Variants in LMTK2 observed in about 807,000 individuals in gnomAD.
LMTK2 encodes serine/threonine-protein kinase LMTK2.
A neutral mutation model predicts 127.5 loss-of-function variants in LMTK2; 37 were observed. The ratio of observed to expected loss-of-function variants is 0.29; its 90% CI spans 0.22 to 0.38. The LOEUF (loss-of-function observed/expected upper bound fraction) is 0.38. Among genes scored for constraint, LMTK2 ranks in the 10% least tolerant of loss-of-function variants. The probability of loss-of-function intolerance (pLI) is 1.00; values close to 1 mark genes in which losing one functional copy is unlikely to be tolerated. For synonymous variants in LMTK2, 819 were observed against 810.1 expected (o/e 1.01, Z -0.19); for missense variants, 1,694 against 1,920.3 (o/e 0.88, Z 2.20).
chr7:98,132,132 A>G (rs377045372), intron 1 of LMTK2, among the ~76,000 whole-genome samples: 173 of 152,350 alleles, frequency 1.1e-3, no homozygotes, highest in African/African-American at 3.7e-3. Flanking sequence ...GGGAGTGTCA[A>G]TCAGAACAAC....
At chr7:98,186,224 C>T (rs937358243) in intron 8 of LMTK2, among the ~76,000 whole-genome samples, 2 of 152,110 alleles carry the variant, frequency 1.3e-5, no homozygotes, top group African/African-American at 2.4e-5. Flanking sequence ...CCACCACGCC[C>T]AGCTAATTTT....
intron 7 of LMTK2, among the ~76,000 whole-genome samples, chr7:98,178,375 T>G (rs1471644267): frequency 6.6e-6 from 1 of 152,202 alleles, no homozygotes; most frequent in Non-Finnish European, 1.5e-5. Context: ...GCAGTGGTAC[T>G]TCCTTGTGAA....
chr7:98,132,292 C>A (rs1369584588), intron 1 of LMTK2, among the ~76,000 whole-genome samples: 1 of 152,134 alleles, frequency 6.6e-6, no homozygotes, highest in African/African-American at 2.4e-5. Flanking sequence ...ACTCTGTCGC[C>A]CAGGCTGGAG....
chr7:98,124,377 A>C (rs1449696125), intron 1 of LMTK2, among the ~76,000 whole-genome samples: 1 of 152,230 alleles, frequency 6.6e-6, no homozygotes. Flanking sequence ...CATCAGGCAC[A>C]GTGGCTCATG....
intron 11 of LMTK2, among the ~76,000 whole-genome samples, chr7:98,195,313 G>A (rs1359358584): frequency 6.6e-6 from 1 of 152,202 alleles, no homozygotes; most frequent in Non-Finnish European, 1.5e-5. Context: ...GTGGGTGTCT[G>A]GAGGGTGTGA....
chr7:98,125,772 G>A (rs1796434587), intron 1 of LMTK2, among the ~76,000 whole-genome samples: 1 of 152,198 alleles, frequency 6.6e-6, no homozygotes, highest in South Asian at 2.1e-4. Flanking sequence ...CCTTGTCAAG[G>A]TCACTGTTGT....
intron 1 of LMTK2, among the ~76,000 whole-genome samples, chr7:98,108,706 A>G (rs1248367033): frequency 6.6e-6 from 1 of 152,182 alleles, no homozygotes; most frequent in Admixed American, 6.5e-5. Flanking sequence ...AAAGATATTG[A>G]TATTGAAAGT....
intron 11 of LMTK2, among the ~76,000 whole-genome samples, chr7:98,202,800 G>A (rs570675255): frequency 1.1e-4 from 17 of 152,000 alleles, no homozygotes; most frequent in East Asian, 3.8e-4. Context: ...CAACTTCATC[G>A]GGTCACCTTT....
intron 9 of LMTK2, among the ~76,000 whole-genome samples, chr7:98,189,321 C>T (rs1046896728): frequency 2.0e-5 from 3 of 152,234 alleles, no homozygotes; most frequent in South Asian, 2.1e-4. Flanking sequence ...CGTTTCCTTC[C>T]GCTCTCGCTG....
chr7:98,200,019 T>G (rs182758214), intron 11 of LMTK2, among the ~76,000 whole-genome samples: 3 of 152,360 alleles, frequency 2.0e-5, no homozygotes, highest in Admixed American at 2.0e-4. Context: ...ATTTGTTCTA[T>G]TTTTATTTCT....
In LMTK2 at chr7:98,201,548, G is replaced by A. The variant is rs138825821; in HGVS notation, c.4108-2026G>A. Among the ~76,000 whole-genome samples the A allele has an allele frequency of 7.9e-5, 12 of 152,256 alleles. No individual in the cohort carries two copies. The East Asian group carries it at 2.3e-3, about 29-fold the overall frequency. On this transcript the variant is annotated intron_variant, in intron 11 of 13. Coordinates refer to ENST00000297293, the MANE Select transcript of LMTK2 (RefSeq NM_014916.4). ...GGCTGCTTTCAAATCTTTGTCTTTA[G>A]CTTTCAGCAGTTTGATTATGGTGCA... is the stretch of plus-strand genomic sequence containing the variant.
chr7:98,130,986 G>C (rs758833896), intron 1 of LMTK2, among the ~76,000 whole-genome samples: 12 of 152,154 alleles, frequency 7.9e-5, no homozygotes, highest in Non-Finnish European at 1.5e-5. Flanking sequence ...ATAAATGAAA[G>C]CTTCAAGCAT....
At chr7:98,162,307 A>G (rs192677769) in intron 6 of LMTK2, among the ~76,000 whole-genome samples, 5 of 152,340 alleles carry the variant, frequency 3.3e-5, no homozygotes, top group African/African-American at 1.2e-4. Context: ...CTGTATCTTT[A>G]TCATTGTACA....
At chr7:98,120,870 ACT>A (rs1016246116) in intron 1 of LMTK2, among the ~76,000 whole-genome samples, 2 of 151,922 alleles carry the variant, frequency 1.3e-5, no homozygotes, top group African/African-American at 2.4e-5. Context: ...CCCTGGGAAC[ACT>A]CTCCCAGAGG....
chr7:98,169,940 A>G (rs988458627), intron 6 of LMTK2, among the ~76,000 whole-genome samples: 6 of 152,248 alleles, frequency 3.9e-5, no homozygotes, highest in African/African-American at 1.2e-4. Flanking sequence ...AGGGAAGACC[A>G]CTGCTCCCCT....
Position 98,194,496 on chromosome 7 carries a change from C to A in LMTK2, c.4031C>A (p.Pro1344Gln). 1 of 1,613,740 alleles carries A rather than the reference C, an allele frequency of 6.2e-7. No homozygotes were observed. Among genetic ancestry groups the A allele is most frequent in the South Asian group, 1.1e-5 (1 of 91,084 alleles). The change falls in exon 11 of 14, where the codon CCA (proline) becomes CAA (glutamine). Residue 1344 changes from proline (P) to glutamine (Q), a missense_variant. Pro to Gln is a moderately conservative substitution (Grantham distance 76). Around this residue, in one of 8 missense-constraint regions of LMTK2, gnomAD observed 554 missense variants for 567.7 expected, o/e 0.98. Transcript: ENST00000297293. This position sits in a 1 kb window ranked among gnomAD's most constrained non-coding sequence, Gnocchi z 5.4. The part of the protein sequence containing the change: ...LKPTAANAPD[P>Q]LPEDWKKEKK... ...CCCACAGCGGCCAATGCCCCCGACC[C>A]ACTGCCCGAGGACTGGAAGAAGGAA...
intron 1 of LMTK2, among the ~76,000 whole-genome samples, chr7:98,130,651 G>A (rs1325554298): frequency 2.0e-5 from 3 of 152,154 alleles, no homozygotes; most frequent in Non-Finnish European, 4.4e-5. Context: ...TATATAGGAA[G>A]AGGAAATTTG....
At position 98,137,405 on chromosome 7, in the gene LMTK2, G is replaced by A; in HGVS notation, c.194G>A (p.Cys65Tyr). ...LIILIVLIAN[C>Y]VSCCKDPEID... Reference sequence around the variant, plus strand: ...ATATTAATAGTGTTAATTGCAAACTGTGTATCCTGCTGTAAGGACCCAGAA... The same window carrying A: ...ATATTAATAGTGTTAATTGCAAACTATGTATCCTGCTGTAAGGACCCAGAA... The change falls in exon 2 of 14, where the codon TGT (cysteine) becomes TAT (tyrosine). Residue 65 changes from cysteine to tyrosine, a missense_variant. Physicochemically the swap from Cys to Tyr is radical, Grantham distance 194 (BLOSUM62 -2). Around this residue, in one of 8 missense-constraint regions of LMTK2, gnomAD observed 6 missense variants for 25.8 expected, o/e 0.23. Coordinates refer to ENST00000297293, the MANE Select transcript of LMTK2 (RefSeq NM_014916.4). The A allele has an allele frequency of 6.2e-7, 1 of 1,613,810 alleles. No individual in the cohort carries two copies. Among genetic ancestry groups the A allele is most frequent in the Non-Finnish European group, 8.5e-7 (1 of 1,179,826 alleles).
chr7:98,158,378 A>G (rs1216280556), intron 5 of LMTK2, among the ~76,000 whole-genome samples: 1 of 152,198 alleles, frequency 6.6e-6, no homozygotes, highest in Non-Finnish European at 1.5e-5. Flanking sequence ...GCGCTCACGC[A>G]ATACTCCCGG....
Sources: allele counts gnomAD v4.1 joint callset (sites outside exome capture counted in the v4.1 genomes callset), GRCh38; gene constraint gnomAD v4.1.1; regional missense constraint gnomAD v4.1.1; non-coding constraint Gnocchi (gnomAD v3.1); transcripts MANE v1.5; gene names NCBI Gene and HGNC (gene_info 2026-07-23, HGNC 2026-07-21).